The following BNC2 variants were observed in gnomAD, a reference collection of about 807,000 sequenced individuals.
BNC2 encodes the protein zinc finger protein basonuclin-2.
A neutral mutation model predicts 76.3 loss-of-function variants in BNC2; 20 were observed. That is an observed-to-expected ratio of 0.26 (90% CI 0.18 to 0.38). The LOEUF (loss-of-function observed/expected upper bound fraction) is 0.38. BNC2 is among the 10% of genes least tolerant of loss of function. BNC2 has a pLI of 1.00. For synonymous variants in BNC2, 582 were observed against 514.8 expected (o/e 1.13, Z -1.77); for missense variants, 1,382 against 1,399.8 (o/e 0.99, Z 0.20).
At chr9:16,734,551 C>G (rs1824609901) in intron 2 of BNC2, among the ~76,000 whole-genome samples, 1 of 152,268 alleles carries the variant, frequency 6.6e-6, no homozygotes, top group Non-Finnish European at 1.5e-5. Context: ...TTTCAACATA[C>G]AGAAGGCTTC....
chr9:16,720,939 T>G (rs568965083), intron 3 of BNC2, among the ~76,000 whole-genome samples: 2 of 152,318 alleles, frequency 1.3e-5, no homozygotes, highest in East Asian at 3.9e-4. Context: ...CATAAATTTT[T>G]CACCTGAGGG....
intron 1 of BNC2, among the ~76,000 whole-genome samples, chr9:16,867,081 C>G (rs542344572): frequency 1.3e-5 from 2 of 152,080 alleles, no homozygotes; most frequent in African/African-American, 2.4e-5. Context: ...TTAAACCATA[C>G]GACATAAATT....
chr9:16,541,755 G>C (rs187206835), intron 5 of BNC2, among the ~76,000 whole-genome samples: 1 of 152,176 alleles, frequency 6.6e-6, no homozygotes, highest in Admixed American at 6.5e-5. Context: ...AGACTCTCTA[G>C]AGACAAAACC....
intron 1 of BNC2, among the ~76,000 whole-genome samples, chr9:16,770,750 AGCTACTCAGG>A (rs1825811243): frequency 6.6e-6 from 1 of 152,120 alleles, no homozygotes; most frequent in East Asian, 1.9e-4. Context: ...CTGTAGAGCC[AGCTACTCAGG>A]GGCTGAGGTG....
At position 16,436,450 on chromosome 9, in the gene BNC2, T is replaced by C. The variant is rs897119800; in HGVS notation, c.1744A>G (p.Met582Val). The change falls in exon 6 of 7, where the codon ATG becomes GTG. Residue 582 changes from methionine to valine, a missense_variant. Physicochemically the swap from Met to Val is conservative, Grantham distance 21 (BLOSUM62 1). Around this residue, in one of 3 missense-constraint regions of BNC2, gnomAD observed 798 missense variants for 775.5 expected, o/e 1.03. Coordinates refer to ENST00000380672, the MANE Select transcript of BNC2 (RefSeq NM_017637.6). Reference sequence around the variant, plus strand: ...GGGAGGGAGGTTGGAGGACTCACCATTTCCCCTGGAGTGAGTAAACTTCTA... The same window carrying C: ...GGGAGGGAGGTTGGAGGACTCACCACTTCCCCTGGAGTGAGTAAACTTCTA... ...FYRSLLTPGE[M>V]VSPPTSLPTS... 1.2e-5 allele frequency: 19 copies of C among 1,613,952 alleles called. No homozygotes were observed. Among genetic ancestry groups the C allele is most frequent in the Admixed American group, 5.0e-5 (3 of 59,986 alleles).
At chr9:16,779,285 CAG>C (rs959982936) in intron 1 of BNC2, among the ~76,000 whole-genome samples, 4 of 127,284 alleles carry the variant, frequency 3.1e-5, no homozygotes, top group African/African-American at 6.0e-5. Context: ...GCCTGCGTGA[CAG>C]AGAGACCCTC....
intron 3 of BNC2, among the ~76,000 whole-genome samples, chr9:16,668,778 T>TATTTC: frequency 6.6e-6 from 1 of 152,224 alleles, no homozygotes; most frequent in African/African-American, 2.4e-5. Flanking sequence ...TTTCTCTTGT[T>TATTTC]GGGCAAACTG....
At chr9:16,804,832 G>C (rs1422189040) in intron 1 of BNC2, among the ~76,000 whole-genome samples, 3 of 152,160 alleles carry the variant, frequency 2.0e-5, no homozygotes, top group Non-Finnish European at 4.4e-5. Flanking sequence ...GGGAGGCCGA[G>C]GCAGGCGGAT....
chr9:16,420,294 A>G (rs374950914), intron 6 of BNC2, among the ~76,000 whole-genome samples: 23 of 152,324 alleles, frequency 1.5e-4, no homozygotes, highest in African/African-American at 5.3e-4. Context: ...TCTTTTAACA[A>G]CACGAATGCC....
chr9:16,692,650 AAAGC>A (rs2134440252), intron 3 of BNC2, among the ~76,000 whole-genome samples: 1 of 152,304 alleles, frequency 6.6e-6, no homozygotes, highest in South Asian at 2.1e-4. Flanking sequence ...AGGGGAAAGG[AAAGC>A]AAGCCACAAG....
intron 1 of BNC2, among the ~76,000 whole-genome samples, chr9:16,790,755 T>C (rs138523548): frequency 6.6e-6 from 1 of 151,708 alleles, no homozygotes; most frequent in East Asian, 1.9e-4. Context: ...TTTCACTAAG[T>C]GCTCCTAGCT....
chr9:16,494,054 C>G (rs1320335355), intron 5 of BNC2, among the ~76,000 whole-genome samples: 2 of 152,180 alleles, frequency 1.3e-5, no homozygotes, highest in Admixed American at 6.5e-5. Flanking sequence ...AGATACAACA[C>G]TGAATAAAAC....
At chr9:16,539,478 A>G (rs1385290240) in intron 5 of BNC2, among the ~76,000 whole-genome samples, 2 of 150,018 alleles carry the variant, frequency 1.3e-5, no homozygotes, top group African/African-American at 4.9e-5. Flanking sequence ...TACTGAGCCA[A>G]GATCATTCCA....
At chr9:16,866,341 G>C (rs1322571576) in intron 1 of BNC2, among the ~76,000 whole-genome samples, 1 of 151,824 alleles carries the variant, frequency 6.6e-6, no homozygotes, top group Admixed American at 6.6e-5. Context: ...CTGGAATACA[G>C]AAGTTGTATG....
intron 5 of BNC2, among the ~76,000 whole-genome samples, chr9:16,480,502 T>A (rs1030553897): frequency 6.6e-6 from 1 of 151,274 alleles, no homozygotes; most frequent in Non-Finnish European, 1.5e-5. Flanking sequence ...TGCAGGGAGG[T>A]GTGGAGGGAG....
intron 5 of BNC2, among the ~76,000 whole-genome samples, chr9:16,542,283 C>G (rs749415792): frequency 6.6e-6 from 1 of 152,062 alleles, no homozygotes; most frequent in Non-Finnish European, 1.5e-5. Flanking sequence ...CAATGTTTCA[C>G]TCTCTTATTT....
chr9:16,543,230 C>A (rs779043272), intron 5 of BNC2, among the ~76,000 whole-genome samples: 2 of 152,140 alleles, frequency 1.3e-5, no homozygotes, highest in Non-Finnish European at 2.9e-5. Flanking sequence ...TTCTCTTCAT[C>A]CTGAAAGCTC....
chr9:16,610,531 T>C (rs1228883782), intron 3 of BNC2, among the ~76,000 whole-genome samples: 6 of 152,160 alleles, frequency 3.9e-5, no homozygotes, highest in South Asian at 4.1e-4. Context: ...GAAACAGAGA[T>C]AGGTAGTCTC....
chr9:16,591,361 A>T (rs1043901784), intron 3 of BNC2, among the ~76,000 whole-genome samples: 1 of 152,240 alleles, frequency 6.6e-6, no homozygotes, highest in African/African-American at 2.4e-5. Context: ...GCAACCAAGT[A>T]TCAAAAGGAG....
Sources: gnomAD v4.1 joint callset for allele counts (sites outside exome capture counted in the v4.1 genomes callset) on GRCh38, gnomAD v4.1.1 for gene constraint, gnomAD v4.1.1 regional missense constraint, MANE v1.5 for transcripts, NCBI Gene and HGNC (gene_info 2026-07-23, HGNC 2026-07-21) for gene names.